The following SGCZ variants were observed in gnomAD, a reference collection of about 807,000 sequenced individuals.
SGCZ encodes zeta-sarcoglycan.
Under a neutral mutation model 41.3 loss-of-function variants are expected in SGCZ, and 40 were observed. That is an observed-to-expected ratio of 0.97 (90% CI 0.75 to 1.26). The LOEUF (loss-of-function observed/expected upper bound fraction) is 1.26. Among genes scored for constraint, SGCZ ranks in the 50% most tolerant of loss-of-function variants. The probability of loss-of-function intolerance (pLI) is 0.00; values close to 1 mark genes in which losing one functional copy is unlikely to be tolerated. For missense variants in SGCZ, 552 were observed against 369.8 expected, an observed-to-expected ratio of 1.49 and a Z score of -4.04; for synonymous variants, 206 against 137.5, an observed-to-expected ratio of 1.50 and a Z score of -3.49.
At chr8:14,363,315 G>A (rs111532728) in intron 2 of SGCZ, among the ~76,000 whole-genome samples, 3,094 of 152,206 alleles carry the variant, frequency 0.02, 88 homozygotes, top group African/African-American at 0.057. Flanking sequence ...GTAATAAGGG[G>A]AAAATACTGA....
intron 1 of SGCZ, among the ~76,000 whole-genome samples, chr8:15,209,613 A>G (rs1801177097): frequency 6.6e-6 from 1 of 152,136 alleles, no homozygotes; most frequent in Admixed American, 6.5e-5. Flanking sequence ...TTAAATCACA[A>G]TTCTGTAAGT....
At chr8:14,456,839 G>C (rs1176628338) in intron 2 of SGCZ, among the ~76,000 whole-genome samples, 1 of 152,178 alleles carries the variant, frequency 6.6e-6, no homozygotes, top group Admixed American at 6.5e-5. Context: ...CTTTGTGATA[G>C]TGACTGAGTT....
intron 4 of SGCZ, among the ~76,000 whole-genome samples, chr8:14,224,710 T>A (rs981904): frequency 0.24 from 36,180 of 151,910 alleles, 5,534 homozygotes; most frequent in Non-Finnish European, 0.34. Flanking sequence ...GGCCAGGGAG[T>A]AAGAGGCATA....
chr8:14,291,065 G>C (rs914604595), intron 3 of SGCZ, among the ~76,000 whole-genome samples: 4 of 152,126 alleles, frequency 2.6e-5, no homozygotes, highest in Non-Finnish European at 5.9e-5. Context: ...AGGACATTAA[G>C]TAAAATAAGC....
At chr8:15,065,348 G>A (rs1018042677) in intron 1 of SGCZ, among the ~76,000 whole-genome samples, 1 of 151,788 alleles carries the variant, frequency 6.6e-6, no homozygotes, top group African/African-American at 2.4e-5. Flanking sequence ...TCTGACCCAG[G>A]AGGCCTAGTT....
At chr8:15,131,137 A>G (rs1807881967) in intron 1 of SGCZ, among the ~76,000 whole-genome samples, 1 of 152,216 alleles carries the variant, frequency 6.6e-6, no homozygotes, top group Non-Finnish European at 1.5e-5. Flanking sequence ...TGACTTAAAT[A>G]AGGTGCTTCA....
intron 5 of SGCZ, chr8:14,161,295 T>C (rs959837043): frequency 6.6e-6 from 1 of 152,214 alleles, no homozygotes; most frequent in African/African-American, 2.4e-5. Context: ...TTTCTTTCTT[T>C]AAGGAATATC....
intron 1 of SGCZ, among the ~76,000 whole-genome samples, chr8:15,131,219 T>A (rs1003511577): frequency 6.6e-6 from 1 of 152,186 alleles, no homozygotes; most frequent in Non-Finnish European, 1.5e-5. Context: ...TCATGTGCTG[T>A]GGGAAGGGCC....
chr8:14,151,083 A>C (rs575776988), intron 5 of SGCZ, among the ~76,000 whole-genome samples: 220 of 152,260 alleles, frequency 1.4e-3, no homozygotes, highest in Middle Eastern at 3.4e-3. Context: ...AAAAATAGTA[A>C]GAAAAAATGA....
intron 1 of SGCZ, among the ~76,000 whole-genome samples, chr8:15,220,346 T>G (rs1019982049): frequency 1.3e-5 from 2 of 152,130 alleles, no homozygotes; most frequent in East Asian, 3.9e-4. Context: ...AGAGACATAA[T>G]AGTAAGCATG....
At chr8:14,599,516 T>C (rs937061361) in intron 1 of SGCZ, among the ~76,000 whole-genome samples, 7 of 152,148 alleles carry the variant, frequency 4.6e-5, no homozygotes, top group Admixed American at 3.9e-4. Context: ...CTCTAGTCAA[T>C]TTACCCTTCT....
chr8:14,237,800 G>C, intron 3 of SGCZ, 121 bp from the exon 4 acceptor site: 1 of 774,634 alleles, frequency 1.3e-6, no homozygotes, highest in Non-Finnish European at 2.0e-6. Flanking sequence ...ATATTAGACA[G>C]TTAATTTAAC....
intron 1 of SGCZ, among the ~76,000 whole-genome samples, chr8:15,187,483 G>A (rs1800382615): frequency 6.6e-6 from 1 of 152,050 alleles, no homozygotes; most frequent in Non-Finnish European, 1.5e-5. Context: ...TAAATTTGAT[G>A]TGATTTTAGG....
chr8:14,637,134 T>G lies in SGCZ; in HGVS notation c.40-82208A>C, dbSNP rs1456878744. ...TTCCTTAAAGAATTTCTCATACCTC[T>G]GAATTTACCTACCCATATATGTGAA... On this transcript the variant is annotated intron_variant, in intron 1 of 7. Coordinates refer to ENST00000382080, the MANE Select transcript of SGCZ (RefSeq NM_139167.4). Among the ~76,000 whole-genome samples the G allele has an allele frequency of 4.0e-5, 6 of 151,698 alleles. No individual in the cohort carries two copies. In the Admixed American group the frequency reaches 4.0e-4, roughly 10 times the overall value.
chr8:14,100,537 ATAT>A (rs757674609), intron 7 of SGCZ, among the ~76,000 whole-genome samples: 16 of 122,098 alleles, frequency 1.3e-4, no homozygotes, highest in South Asian at 3.1e-4. Context: ...TATTTTCAAA[ATAT>A]TATACATTAG....
In SGCZ at chr8:14,661,883, G is replaced by C. The variant is rs796237431; in HGVS notation, c.40-106957C>G. On this transcript the variant is annotated intron_variant, in intron 1 of 7. Transcript: ENST00000382080. ...AGGAAAGATAATTTATCTTTGGCTTGTCCCCAGAGACAATGGGGTATCTTG... is the reference window on the plus strand; with the variant it reads ...AGGAAAGATAATTTATCTTTGGCTTCTCCCCAGAGACAATGGGGTATCTTG... Among the ~76,000 whole-genome samples, 23 of 150,780 alleles carry C rather than the reference G, an allele frequency of 1.5e-4. 2 individuals are homozygous for C. Among genetic ancestry groups the C allele is most frequent in the Admixed American group, 4.6e-4 (7 of 15,098 alleles).
intron 2 of SGCZ, among the ~76,000 whole-genome samples, chr8:14,357,129 C>T (rs947366381): frequency 6.6e-6 from 1 of 152,038 alleles, no homozygotes; most frequent in Non-Finnish European, 1.5e-5. Context: ...AGGACCTACA[C>T]ACACCTTGAT....
chr8:14,341,503 G>A (rs919564483), intron 2 of SGCZ, among the ~76,000 whole-genome samples: 1 of 152,000 alleles, frequency 6.6e-6, no homozygotes, highest in South Asian at 2.1e-4. Context: ...ATCATTTTGA[G>A]CTAGCTAGGT....
At chr8:14,837,613 C>T (rs758267032) in intron 1 of SGCZ, among the ~76,000 whole-genome samples, 1 of 152,172 alleles carries the variant, frequency 6.6e-6, no homozygotes, top group Non-Finnish European at 1.5e-5. Context: ...AGGCCTACTC[C>T]ACCCTCTCTT....
Sources: allele counts gnomAD v4.1 joint callset (sites outside exome capture counted in the v4.1 genomes callset), GRCh38; gene constraint gnomAD v4.1.1; transcripts MANE v1.5; gene names NCBI Gene and HGNC (gene_info 2026-07-23, HGNC 2026-07-21).